The following SNX1 variants were observed in gnomAD, a reference collection of about 807,000 sequenced individuals.
SNX1 encodes the protein sorting nexin-1.
A neutral mutation model predicts 71.8 loss-of-function variants in SNX1; 36 were observed. The observed-to-expected ratio is 0.50, with a 90% CI of 0.38 to 0.66. The LOEUF (loss-of-function observed/expected upper bound fraction) is 0.66. SNX1 is among the 30% of genes least tolerant of loss of function. SNX1 has a pLI of 0.00. For missense variants in SNX1, 612 were observed against 646.7 expected, an observed-to-expected ratio of 0.95 and a Z score of 0.58; for synonymous variants, 254 against 240.7, an observed-to-expected ratio of 1.06 and a Z score of -0.51.
rs2081375454 is a variant in SNX1 at position 64,137,856 on chromosome 15, T to G, written c.*238T>G. 1 of 1,404,804 alleles carries G rather than the reference T, an allele frequency of 7.1e-7. No individual in the cohort carries two copies. The highest frequency in any genetic ancestry group is 1.9e-4 in the Middle Eastern group (1 of 5,326). The allele number at this position is 1,404,804 out of a possible 1,614,324, so 87.0% of individuals were successfully genotyped here. A position where few individuals can be genotyped will look rare whatever the true frequency, so the allele number is the denominator to read the frequency against. ...TAAGCAAAAGACCTACAATAGGTGG[T>G]GGAATTATGGGATGGGGTGGAGTAT... On this transcript the variant is annotated 3_prime_UTR_variant, in exon 15 of 15. Transcript: ENST00000559844.
At chr15:64,130,109 G>A in intron 9 of SNX1, 80 bp downstream of exon 9, 1 of 1,478,232 alleles carries the variant, frequency 6.8e-7, no homozygotes, top group Non-Finnish European at 9.4e-7. Context: ...TGAAATTTCT[G>A]AGATTAGAAA....
rs2081401536 is a variant in SNX1, at chr15:64,140,434, T to C, written c.*2816T>C. On this transcript the variant is annotated 3_prime_UTR_variant, in exon 15 of 15. Coordinates refer to ENST00000559844, the MANE Select transcript of SNX1 (RefSeq NM_003099.5). ...GTGTTTGTAGCTTGCTCCCATCATG[T>C]TTTGAGTACTTTCTTACCTTCTGGC... is the stretch of plus-strand genomic sequence containing the variant. 6.6e-6 allele frequency: 1 copy of C among 152,226 alleles called. No homozygotes were observed. The highest frequency in any genetic ancestry group is 2.4e-5 in the African/African-American group (1 of 41,448). The allele number at this position is 152,226 out of a possible 1,614,324, so 9.4% of individuals were successfully genotyped here. A position where few individuals can be genotyped will look rare whatever the true frequency, so the allele number is the denominator to read the frequency against.
At chr15:64,110,248 G>T (rs1476864676) in intron 1 of SNX1, among the ~76,000 whole-genome samples, 1 of 152,248 alleles carries the variant, frequency 6.6e-6, no homozygotes. Context: ...TAGTAAGTAT[G>T]GTCATGTCTA....
chr15:64,135,690 C>T (rs189947060), intron 12 of SNX1, among the ~76,000 whole-genome samples: 8 of 144,926 alleles, frequency 5.5e-5, no homozygotes, highest in Non-Finnish European at 1.5e-5. Context: ...ACCTGGGAGG[C>T]GAAGGTTGCA....
rs530641406 is a variant in SNX1 at position 64,126,444 on chromosome 15, C to T, written c.652+224C>T. The stretch of plus-strand genomic sequence containing the variant: ...TCTGGGTTTAGCCTCCAGAGATGTT[C>T]GTTTGTTTTCTGTTGGTCTTCAGGA... On this transcript the variant is annotated intron_variant, in intron 6 of 14. Coordinates refer to ENST00000559844, the MANE Select transcript of SNX1 (RefSeq NM_003099.5). Among the ~76,000 whole-genome samples, 4 of 152,218 alleles carry T rather than the reference C, an allele frequency of 2.6e-5. No individual in the cohort carries two copies. In the East Asian group the frequency reaches 5.8e-4, roughly 22 times the overall value.
chr15:64,126,678 C>G (rs922746571), intron 6 of SNX1, among the ~76,000 whole-genome samples: 2 of 152,150 alleles, frequency 1.3e-5, no homozygotes, highest in Admixed American at 6.5e-5. Context: ...CTTCCGGGTT[C>G]AAGAGATTCT....
At chr15:64,106,570 G>A (rs182859268) in intron 1 of SNX1, among the ~76,000 whole-genome samples, 1 of 152,352 alleles carries the variant, frequency 6.6e-6, no homozygotes, top group African/African-American at 2.4e-5. Context: ...GCAAGGGGGA[G>A]TTAAGGTTGA....
chr15:64,132,579 G>T (rs548053635), intron 11 of SNX1, among the ~76,000 whole-genome samples: 2 of 152,294 alleles, frequency 1.3e-5, no homozygotes, highest in African/African-American at 4.8e-5. Flanking sequence ...ATTAGCTGTC[G>T]CATGGCCTCC....
rs750747617 is a variant in SNX1 at position 64,134,749 on chromosome 15, G to A, written c.1307G>A (p.Arg436Gln). 1.5e-5 allele frequency: 24 copies of A among 1,613,782 alleles called. No homozygotes were observed. The highest frequency in any genetic ancestry group is 1.0e-4 in the Admixed American group (6 of 60,014). Residue 436 changes from arginine (R) to glutamine (Q), a missense_variant, in exon 12 of 15, where the codon CGG becomes CAG. Coordinates refer to ENST00000559844, the MANE Select transcript of SNX1 (RefSeq NM_003099.5). This position sits in a 1 kb window ranked among gnomAD's most constrained non-coding sequence, Gnocchi z 4.1. The part of the protein sequence containing the change: ...TLQKKREAEA[R>Q]LLWANKPDKL... Reference sequence around the variant, plus strand: ...CAGAAGAAGCGGGAGGCCGAGGCTCGGCTGCTGTGGGCCAACAAGCCTGAT... The same window carrying A: ...CAGAAGAAGCGGGAGGCCGAGGCTCAGCTGCTGTGGGCCAACAAGCCTGAT...
intron 1 of SNX1, among the ~76,000 whole-genome samples, chr15:64,101,777 A>C (rs78937521): frequency 0.019 from 2,896 of 152,334 alleles, 105 homozygotes; most frequent in African/African-American, 0.066. Flanking sequence ...GGTAACAGAT[A>C]CCAAATTACA....
intron 2 of SNX1, among the ~76,000 whole-genome samples, chr15:64,114,208 A>G (rs1217059434): frequency 2.0e-5 from 3 of 152,240 alleles, no homozygotes; most frequent in African/African-American, 7.2e-5. Context: ...GGCAGAGACC[A>G]GATAATTTTT....
intron 1 of SNX1, 75 bp from the exon 2 acceptor site, chr15:64,112,498 T>C: frequency 1.1e-6 from 1 of 935,466 alleles, no homozygotes; most frequent in Non-Finnish European, 1.6e-6. Context: ...AGGGAGGCAT[T>C]AAAAGTTGCT....
chr15:64,107,428 T>A (rs943416767), intron 1 of SNX1, among the ~76,000 whole-genome samples: 1 of 152,214 alleles, frequency 6.6e-6, no homozygotes, highest in Non-Finnish European at 1.5e-5. Context: ...AGTGAATGGC[T>A]TCGTCAGCTC....
chr15:64,131,143 G>T (rs945757783), intron 10 of SNX1, among the ~76,000 whole-genome samples: 1 of 152,172 alleles, frequency 6.6e-6, no homozygotes, highest in African/African-American at 2.4e-5. Flanking sequence ...AATTAGCCAG[G>T]TGTGGTGGTG....
At chr15:64,118,405 T>G (rs1346338360) in intron 3 of SNX1, among the ~76,000 whole-genome samples, 161 bp downstream of exon 3, 3 of 152,332 alleles carry the variant, frequency 2.0e-5, no homozygotes, top group Non-Finnish European at 4.4e-5. Context: ...GGAGTCTTTC[T>G]TGAGCAGAGT....
chr15:64,138,325 C>CTTT lies in SNX1; in HGVS notation c.*721_*723dup, dbSNP rs780446322. The CTTT allele has an allele frequency of 8.1e-4, 444 of 550,484 alleles. No homozygotes were observed. The highest frequency in any genetic ancestry group is 1.5e-3 in the Middle Eastern group (3 of 1,936). 34.1% of individuals were successfully genotyped at this position (550,484 alleles called of 1,614,324 possible). A position where few individuals can be genotyped will look rare whatever the true frequency, so the allele number is the denominator to read the frequency against. On this transcript the variant is annotated 3_prime_UTR_variant, in exon 15 of 15. Coordinates refer to ENST00000559844, the MANE Select transcript of SNX1 (RefSeq NM_003099.5). ...AAGGAGGCAGAGACTTTCTCTCTCT[C>CTTT]TTTTTTTTTTTTTTTTGGTGTCCCT...
intron 2 of SNX1, among the ~76,000 whole-genome samples, chr15:64,115,210 A>G (rs925951201): frequency 6.6e-6 from 1 of 152,208 alleles, no homozygotes; most frequent in Non-Finnish European, 1.5e-5. Context: ...ATATTTGTTC[A>G]TAGTGAGGAT....
intron 2 of SNX1, among the ~76,000 whole-genome samples, chr15:64,116,671 C>A (rs1016378587): frequency 2.0e-5 from 3 of 152,154 alleles, no homozygotes; most frequent in African/African-American, 7.2e-5. Flanking sequence ...ACTTACTGAT[C>A]AGACCAAACC....
At chr15:64,109,184 G>A (rs942395329) in intron 1 of SNX1, among the ~76,000 whole-genome samples, 1 of 151,866 alleles carries the variant, frequency 6.6e-6, no homozygotes, top group Non-Finnish European at 1.5e-5. Flanking sequence ...CAGCCTGGCC[G>A]ACATGGTGAA....
Sources: gnomAD v4.1 joint callset for allele counts (sites outside exome capture counted in the v4.1 genomes callset) on GRCh38, gnomAD v4.1.1 for gene constraint, Gnocchi (gnomAD v3.1) non-coding constraint, MANE v1.5 for transcripts, NCBI Gene and HGNC (gene_info 2026-07-23, HGNC 2026-07-21) for gene names.